Variants in DISP1 observed in about 807,000 individuals in gnomAD.
DISP1 encodes the protein protein dispatched homolog 1.
DISP1 carries 30 observed loss-of-function variants against 37.3 expected under a neutral mutation model. The observed-to-expected ratio is 0.80, with a 90% CI of 0.60 to 1.09. DISP1 has a LOEUF of 1.09. DISP1 is among the 50% of genes least tolerant of loss of function. The pLI is 0.00. For synonymous variants in DISP1, 634 were observed against 690.2 expected (o/e 0.92, Z 1.28); for missense variants, 1,598 against 1,879.5 (o/e 0.85, Z 2.77).
chr1:222,964,674 T>G (rs1676336934), intron 3 of DISP1, among the ~76,000 whole-genome samples: 1 of 152,240 alleles, frequency 6.6e-6, no homozygotes, highest in Non-Finnish European at 1.5e-5. Context: ...GCACAGACCC[T>G]GAAGAAGAAT....
intron 1 of DISP1, among the ~76,000 whole-genome samples, chr1:222,906,456 G>T (rs1180391256): frequency 1.3e-5 from 2 of 152,214 alleles, no homozygotes; most frequent in Non-Finnish European, 2.9e-5. Flanking sequence ...ATTCCCAGGA[G>T]GTTGAGGCAT....
chr1:222,916,030 T>C (rs1217566958), intron 1 of DISP1, among the ~76,000 whole-genome samples: 4 of 152,182 alleles, frequency 2.6e-5, no homozygotes, highest in Admixed American at 2.0e-4. Flanking sequence ...TGTATAGAAA[T>C]AGAAATATGA....
In DISP1 at chr1:222,965,169, T is replaced by C. The variant is rs1676381568; in HGVS notation, c.510-17911T>C. Among the ~76,000 whole-genome samples the C allele has an allele frequency of 2.0e-5, 3 of 152,360 alleles. No homozygotes were observed. The South Asian group carries it at 6.2e-4, about 32-fold the overall frequency. ...TAAGAATGTAGGCTCTGGAGTAGGC[T>C]GCCTGGGTTTGAATCCTGCCTCTTT... On this transcript the variant is annotated intron_variant, in intron 3 of 8. Transcript: ENST00000675850.
chr1:222,987,038 A>G (rs1678327483), intron 4 of DISP1, among the ~76,000 whole-genome samples: 1 of 140,864 alleles, frequency 7.1e-6, no homozygotes, highest in Non-Finnish European at 1.6e-5. Context: ...AATAATGCAC[A>G]GGATATGGAT....
chr1:222,886,617 T>C (rs977792364), intron 1 of DISP1, among the ~76,000 whole-genome samples: 1 of 152,242 alleles, frequency 6.6e-6, no homozygotes, highest in African/African-American at 2.4e-5. Flanking sequence ...TTGCATAGAT[T>C]AACCCTGTCA....
chr1:222,977,531 ATTCTTT>A (rs974575545), intron 3 of DISP1, among the ~76,000 whole-genome samples: 48 of 47,154 alleles, frequency 1.0e-3, no homozygotes, highest in African/African-American at 3.0e-3. Context: ...TTTTTTTTAA[ATTCTTT>A]TTTTTTTTTT....
At chr1:222,986,934 A>G (rs1678315707) in intron 4 of DISP1, among the ~76,000 whole-genome samples, 1 of 152,142 alleles carries the variant, frequency 6.6e-6, no homozygotes, top group South Asian at 2.1e-4. Context: ...ATGAAAGACA[A>G]ATATGATTTG....
At chr1:222,998,969 G>A (rs1679261833) in intron 8 of DISP1, among the ~76,000 whole-genome samples, 1 of 152,118 alleles carries the variant, frequency 6.6e-6, no homozygotes, top group Non-Finnish European at 1.5e-5. Flanking sequence ...TACGCGTGGA[G>A]GAGGGTCCGG....
At chr1:222,824,903 A>C (rs1663920159) in intron 1 of DISP1, among the ~76,000 whole-genome samples, 1 of 152,188 alleles carries the variant, frequency 6.6e-6, no homozygotes. Flanking sequence ...TTGCCAGCTG[A>C]AAAGGATAAT....
intron 1 of DISP1, among the ~76,000 whole-genome samples, chr1:222,859,228 G>A (rs1314406427): frequency 6.6e-6 from 1 of 152,142 alleles, no homozygotes; most frequent in African/African-American, 2.4e-5. Flanking sequence ...AACTAACACA[G>A]GAATAGAAAA....
At chr1:222,990,870 T>G (rs1445588684) in intron 5 of DISP1, 122 bp downstream of exon 5, 1 of 1,354,736 alleles carries the variant, frequency 7.4e-7, no homozygotes, top group Non-Finnish European at 1.0e-6. Context: ...GCAACAATTC[T>G]CTTTCTGAAA....
At chr1:222,882,723 G>A (rs1390223340) in intron 1 of DISP1, among the ~76,000 whole-genome samples, 3 of 152,030 alleles carry the variant, frequency 2.0e-5, no homozygotes, top group Non-Finnish European at 2.9e-5. Flanking sequence ...AACAAAGAAA[G>A]CATTTAATGA....
intron 8 of DISP1, among the ~76,000 whole-genome samples, chr1:222,996,984 T>G (rs994858845): frequency 6.6e-6 from 1 of 151,584 alleles, no homozygotes; most frequent in African/African-American, 2.4e-5. Flanking sequence ...TACGCCATGG[T>G]GGCTTTCATA....
chr1:222,976,764 T>G (rs917381742), intron 3 of DISP1, among the ~76,000 whole-genome samples: 7 of 152,172 alleles, frequency 4.6e-5, no homozygotes, highest in Non-Finnish European at 1.0e-4. Context: ...ACAACCCAAA[T>G]GTCTGTAACA....
chr1:222,882,162 G>A (rs1202696293), intron 1 of DISP1, among the ~76,000 whole-genome samples: 2 of 152,178 alleles, frequency 1.3e-5, no homozygotes, highest in Non-Finnish European at 2.9e-5. Context: ...ACATGGAGAT[G>A]TCCTAGATTT....
At chr1:222,819,628 C>T (rs942729380) in intron 1 of DISP1, among the ~76,000 whole-genome samples, 1 of 151,458 alleles carries the variant, frequency 6.6e-6, no homozygotes, top group Non-Finnish European at 1.5e-5. Context: ...CAAGCTCCGC[C>T]TCCTGGGTTC....
intron 8 of DISP1, among the ~76,000 whole-genome samples, chr1:222,999,860 G>A (rs532712327): frequency 3.3e-5 from 5 of 152,242 alleles, no homozygotes; most frequent in South Asian, 2.1e-4. Flanking sequence ...ATGAGTTCTC[G>A]AAAACTGGTT....
chr1:222,940,036 G>A (rs1045042378), intron 2 of DISP1, among the ~76,000 whole-genome samples: 3 of 151,710 alleles, frequency 2.0e-5, no homozygotes, highest in Non-Finnish European at 4.4e-5. Context: ...TGAGGCAGGA[G>A]AATGGCATGA....
chr1:222,858,850 G>A (rs187121507), intron 1 of DISP1, among the ~76,000 whole-genome samples: 63 of 152,324 alleles, frequency 4.1e-4, no homozygotes, highest in African/African-American at 1.3e-3. Flanking sequence ...TGGCGAGGTT[G>A]CAGAGACATA....
Sources: allele counts gnomAD v4.1 joint callset (sites outside exome capture counted in the v4.1 genomes callset), GRCh38; gene constraint gnomAD v4.1.1; transcripts MANE v1.5; gene names NCBI Gene and HGNC (gene_info 2026-07-23, HGNC 2026-07-21).